The following CDH18 variants were observed in gnomAD, a reference collection of about 807,000 sequenced individuals.
CDH18 encodes the protein cadherin 18.
A neutral mutation model predicts 67.9 loss-of-function variants in CDH18; 31 were observed. The observed-to-expected ratio is 0.46, with a 90% CI of 0.34 to 0.62. The LOEUF (loss-of-function observed/expected upper bound fraction) is 0.62. Among genes scored for constraint, CDH18 ranks in the 20% least tolerant of loss-of-function variants. CDH18 has a pLI of 0.01. For synonymous variants in CDH18, 362 were observed against 347.2 expected (o/e 1.04, Z -0.48); for missense variants, 890 against 975.5 (o/e 0.91, Z 1.17).
intron 2 of CDH18, among the ~76,000 whole-genome samples, chr5:20,156,960 T>C (rs745850198): frequency 1.3e-5 from 2 of 152,106 alleles, no homozygotes; most frequent in African/African-American, 2.4e-5. Context: ...TTTCAATACC[T>C]CCACCAGATG....
chr5:20,036,540 T>A (rs1580091666), intron 2 of CDH18, among the ~76,000 whole-genome samples: 1 of 152,030 alleles, frequency 6.6e-6, no homozygotes, highest in African/African-American at 2.4e-5. Flanking sequence ...TTTGCAGTTG[T>A]CCACAAAAAT....
At chr5:19,544,376 T>C (rs987094695) in intron 8 of CDH18, among the ~76,000 whole-genome samples, 1 of 152,108 alleles carries the variant, frequency 6.6e-6, no homozygotes, top group African/African-American at 2.4e-5. Context: ...GTTGTTATTA[T>C]TCAAAAAAAA....
rs567553113 is a variant in CDH18 at position 19,659,109 on chromosome 5, A to G, written c.644-46508T>C. Among the ~76,000 whole-genome samples, 3 of 152,262 alleles carry G rather than the reference A, an allele frequency of 2.0e-5. No individual in the cohort carries two copies. The South Asian group carries it at 6.2e-4, about 32-fold the overall frequency. The stretch of plus-strand genomic sequence containing the variant: ...GTGGGAATTGAACAATGATACTTTT[A>G]AACTTCTAAAATATTTATAAAATAT... On this transcript the variant is annotated intron_variant, in intron 5 of 12. Coordinates refer to ENST00000382275, the MANE Select transcript of CDH18 (RefSeq NM_004934.5).
At chr5:20,293,083 G>C (rs1444944736) in intron 1 of CDH18, among the ~76,000 whole-genome samples, 1 of 152,088 alleles carries the variant, frequency 6.6e-6, no homozygotes, top group African/African-American at 2.4e-5. Context: ...TTGGGAGGCC[G>C]AGGAGGGCTG....
intron 1 of CDH18, among the ~76,000 whole-genome samples, chr5:20,398,908 C>T (rs1580906777): frequency 6.8e-6 from 1 of 147,002 alleles, no homozygotes; most frequent in Admixed American, 6.8e-5. Flanking sequence ...CGTATACCTA[C>T]GTAGAAAACC....
intron 1 of CDH18, among the ~76,000 whole-genome samples, chr5:20,255,869 T>G (rs1744195633): frequency 6.6e-6 from 1 of 151,020 alleles, no homozygotes; most frequent in Non-Finnish European, 1.5e-5. Flanking sequence ...AATTTAAATA[T>G]AAACTATTTT....
chr5:20,057,969 A>T (rs558486947), intron 2 of CDH18, among the ~76,000 whole-genome samples: 1 of 152,266 alleles, frequency 6.6e-6, no homozygotes, highest in South Asian at 2.1e-4. Flanking sequence ...CCATTATCAA[A>T]AAAGAAAGCC....
intron 2 of CDH18, among the ~76,000 whole-genome samples, chr5:20,170,630 T>C (rs1023593579): frequency 2.6e-5 from 4 of 152,132 alleles, no homozygotes; most frequent in Non-Finnish European, 5.9e-5. Context: ...CTCATACTTA[T>C]TCAAACATTT....
upstream of CDH18, among the ~76,000 whole-genome samples, chr5:19,991,391 A>G (rs140620906): frequency 4.5e-4 from 68 of 152,304 alleles, no homozygotes; most frequent in African/African-American, 1.6e-3. Context: ...ATATGCATAT[A>G]CAATGTGAAA....
At chr5:20,082,773 C>T (rs1744593155) in intron 2 of CDH18, among the ~76,000 whole-genome samples, 2 of 152,178 alleles carry the variant, frequency 1.3e-5, no homozygotes, top group South Asian at 4.1e-4. Flanking sequence ...AAAAGACAAA[C>T]ATATGCGGAG....
chr5:20,066,539 G>T (rs918383624), intron 2 of CDH18, among the ~76,000 whole-genome samples: 1 of 151,848 alleles, frequency 6.6e-6, no homozygotes, highest in Admixed American at 6.6e-5. Context: ...CCATTAAGGT[G>T]GCTGGTAAAA....
intron 1 of CDH18, among the ~76,000 whole-genome samples, chr5:20,502,871 C>A (rs984729591): frequency 6.6e-6 from 1 of 152,022 alleles, no homozygotes; most frequent in Non-Finnish European, 1.5e-5. Flanking sequence ...AAGTTCAGAA[C>A]CTTAAGTGAT....
chr5:20,543,483 CA>C (rs1757168940), intron 1 of CDH18, among the ~76,000 whole-genome samples: 1 of 152,012 alleles, frequency 6.6e-6, no homozygotes, highest in African/African-American at 2.4e-5. Context: ...TCTCTGCTGT[CA>C]TGGATTTAAA....
intron 1 of CDH18, among the ~76,000 whole-genome samples, chr5:20,391,672 A>G (rs1187426036): frequency 1.3e-5 from 2 of 152,032 alleles, no homozygotes; most frequent in East Asian, 1.9e-4. Context: ...GTTTGCAGAC[A>G]AACAAATTTA....
upstream of CDH18, among the ~76,000 whole-genome samples, chr5:19,991,370 T>G (rs1297474191): frequency 3.9e-4 from 59 of 152,186 alleles, no homozygotes; most frequent in Non-Finnish European, 7.3e-5. Context: ...GGTATACAAC[T>G]TGATATTTTG....
intron 1 of CDH18, among the ~76,000 whole-genome samples, chr5:20,405,988 C>G (rs1230705072): frequency 3.3e-5 from 5 of 152,254 alleles, no homozygotes; most frequent in African/African-American, 1.2e-4. Context: ...GTTGGTGGGA[C>G]TGTAAACGAG....
intron 1 of CDH18, among the ~76,000 whole-genome samples, chr5:20,458,237 A>G (rs1463354691): frequency 1.3e-5 from 2 of 152,124 alleles, no homozygotes; most frequent in Non-Finnish European, 2.9e-5. Context: ...CTCGACTCAG[A>G]ATCCTGCCTG....
intron 5 of CDH18, among the ~76,000 whole-genome samples, chr5:19,653,976 T>A (rs1379322815): frequency 6.6e-6 from 1 of 152,064 alleles, no homozygotes; most frequent in Non-Finnish European, 1.5e-5. Context: ...GAGGCTGGAG[T>A]GTGACTTGTT....
intron 1 of CDH18, among the ~76,000 whole-genome samples, chr5:20,293,576 T>C (rs1282047775): frequency 1.3e-5 from 2 of 152,166 alleles, no homozygotes; most frequent in Non-Finnish European, 2.9e-5. Context: ...ATTTAATGTT[T>C]CATGAGGAAA....
Sources: allele counts gnomAD v4.1 joint callset (sites outside exome capture counted in the v4.1 genomes callset), GRCh38; gene constraint gnomAD v4.1.1; transcripts MANE v1.5; gene names NCBI Gene and HGNC (gene_info 2026-07-23, HGNC 2026-07-21).